Variants in LRRC1 observed in about 807,000 individuals in gnomAD.
LRRC1 encodes the protein leucine-rich repeat-containing protein 1.
LRRC1 carries 28 observed loss-of-function variants against 69.9 expected under a neutral mutation model. The observed-to-expected ratio is 0.40, with a 90% confidence interval of 0.30 to 0.55. LRRC1 has a LOEUF of 0.55. Ranked by LOEUF, LRRC1 falls within the 20% of genes least tolerant of loss-of-function variation. The probability of loss-of-function intolerance (pLI) is 0.47; values close to 1 mark genes in which losing one functional copy is unlikely to be tolerated. For missense variants in LRRC1, 498 were observed against 609.0 expected, an observed-to-expected ratio of 0.82 and a Z score of 1.92; for synonymous variants, 236 against 240.2, an observed-to-expected ratio of 0.98 and a Z score of 0.16.
intron 2 of LRRC1, among the ~76,000 whole-genome samples, chr6:53,857,672 G>A (rs1324688378): frequency 6.6e-6 from 1 of 152,198 alleles, no homozygotes; most frequent in African/African-American, 2.4e-5. Flanking sequence ...GTCAATAAAC[G>A]TGCACTGAAA....
rs1768800630 is a variant in LRRC1 at position 53,923,530 on chromosome 6, A to G, written c.*737A>G. The G allele has an allele frequency of 6.6e-6, 1 of 152,646 alleles. No homozygotes were observed. The highest frequency in any genetic ancestry group is 1.5e-5 in the Non-Finnish European group (1 of 68,028). 9.5% of individuals were successfully genotyped at this position (152,646 alleles called of 1,614,324 possible). Reference sequence around the variant, plus strand: ...ACCTGGTGGATTTGTTTTTAACCAAAAAGATGAATTATCAATGATTTGTAA... The same window carrying G: ...ACCTGGTGGATTTGTTTTTAACCAAGAAGATGAATTATCAATGATTTGTAA... On this transcript the variant is annotated 3_prime_UTR_variant, in exon 14 of 14. Transcript: ENST00000370888.
intron 7 of LRRC1, among the ~76,000 whole-genome samples, chr6:53,898,851 T>C (rs1767957641): frequency 6.6e-6 from 1 of 152,170 alleles, no homozygotes; most frequent in Non-Finnish European, 1.5e-5. Context: ...TAAATATAGA[T>C]GGAGGAATTT....
intron 1 of LRRC1, among the ~76,000 whole-genome samples, chr6:53,807,364 C>T (rs1280397239): frequency 6.6e-6 from 1 of 152,212 alleles, no homozygotes; most frequent in Non-Finnish European, 1.5e-5. Flanking sequence ...AAATAAATCT[C>T]TGTCTGTATG....
chr6:53,848,186 A>T (rs949631657), intron 2 of LRRC1, among the ~76,000 whole-genome samples: 1 of 152,242 alleles, frequency 6.6e-6, no homozygotes, highest in Non-Finnish European at 1.5e-5. Flanking sequence ...CTGGCTGGGC[A>T]GTGTTGAGCC....
At chr6:53,834,409 A>C (rs746866989) in intron 1 of LRRC1, among the ~76,000 whole-genome samples, 1 of 151,988 alleles carries the variant, frequency 6.6e-6, no homozygotes, top group Admixed American at 6.6e-5. Context: ...TTTAGTAGTT[A>C]TTTCTTTCCT....
intron 11 of LRRC1, among the ~76,000 whole-genome samples, chr6:53,915,278 A>G (rs896097009): frequency 1.3e-5 from 2 of 152,218 alleles, no homozygotes; most frequent in African/African-American, 4.8e-5. Context: ...TATAGACAGC[A>G]GGGCTAAATA....
intron 7 of LRRC1, among the ~76,000 whole-genome samples, chr6:53,899,035 G>C (rs1435203953): frequency 6.6e-6 from 1 of 152,118 alleles, no homozygotes; most frequent in African/African-American, 2.4e-5. Context: ...TGACAGTCAA[G>C]GTAAAGGAGT....
chr6:53,869,712 G>C (rs1426423486), intron 2 of LRRC1, among the ~76,000 whole-genome samples: 1 of 151,196 alleles, frequency 6.6e-6, no homozygotes, highest in Non-Finnish European at 1.5e-5. Flanking sequence ...AGAGACCTTA[G>C]AGTTTAGTAA....
rs149106123 is a variant in LRRC1 at position 53,886,127 on chromosome 6, A to C, written c.446+3151A>C. ...GAATGCATATTTTTATTTCATTCTT[A>C]AATATTCCCAATTATTTACAGTGAG... On this transcript the variant is annotated intron_variant, in intron 4 of 13. Coordinates refer to ENST00000370888, the MANE Select transcript of LRRC1 (RefSeq NM_018214.5). Among the ~76,000 whole-genome samples, 683 of 152,356 alleles carry C rather than the reference A, an allele frequency of 4.5e-3. 3 individuals are homozygous for C. Among genetic ancestry groups the C allele is most frequent in the Non-Finnish European group, 7.8e-3 (533 of 68,032 alleles).
At chr6:53,827,659 G>A (rs866216154) in intron 1 of LRRC1, among the ~76,000 whole-genome samples, 1 of 152,166 alleles carries the variant, frequency 6.6e-6, no homozygotes, top group Non-Finnish European at 1.5e-5. Context: ...TGGGCCTGTG[G>A]GTGTGGGAAA....
At position 53,882,927 on chromosome 6, in the gene LRRC1, C is replaced by T. The variant is rs996576709; in HGVS notation, c.397C>T (p.Leu133Phe). 1 of 1,608,956 alleles carries T rather than the reference C, an allele frequency of 6.2e-7. No individual in the cohort carries two copies. Among genetic ancestry groups the T allele is most frequent in the Non-Finnish European group, 8.5e-7 (1 of 1,178,672 alleles). Reference sequence around the variant, plus strand: ...TCCTGAATTACAGAATTTAACATGTCTTTCTGTAAATGACATCTCACTACA... The same window carrying T: ...TCCTGAATTACAGAATTTAACATGTTTTTCTGTAAATGACATCTCACTACA... ...SFPELQNLTCLSVNDISLQSL... is the reference protein window; with the variant it reads ...SFPELQNLTCFSVNDISLQSL... The change falls in exon 4 of 14, where the codon CTT becomes TTT. Residue 133 changes from leucine (L) to phenylalanine (F), a missense_variant. This residue lies in a region of LRRC1 where 266 missense variants were observed against 383.9 expected (regional missense o/e 0.69). Transcript: ENST00000370888.
At chr6:53,821,178 G>T (rs2127408876) in intron 1 of LRRC1, among the ~76,000 whole-genome samples, 1 of 152,256 alleles carries the variant, frequency 6.6e-6, no homozygotes, top group Middle Eastern at 3.4e-3. Flanking sequence ...TTGCGCTAAT[G>T]CTGTACATCA....
intron 2 of LRRC1, among the ~76,000 whole-genome samples, chr6:53,863,056 A>G (rs1046998003): frequency 3.3e-5 from 5 of 152,220 alleles, no homozygotes; most frequent in Non-Finnish European, 7.3e-5. Flanking sequence ...AATATGATGT[A>G]CTGAATGTAC....
chr6:53,844,738 C>T (rs1012586916), intron 2 of LRRC1, among the ~76,000 whole-genome samples: 4 of 152,190 alleles, frequency 2.6e-5, no homozygotes, highest in South Asian at 4.1e-4. Flanking sequence ...TCCTGCAGAA[C>T]GTTCACCTTC....
chr6:53,902,725 T>A lies in LRRC1; in HGVS notation c.884T>A (p.Val295Asp). 6.2e-7 allele frequency: 1 copy of A among 1,612,264 alleles called. No homozygotes were observed. Among genetic ancestry groups the A allele is most frequent in the Non-Finnish European group, 8.5e-7 (1 of 1,178,832 alleles). ...GAATGTGAAAGTCTCACTGAGTTAG[T>A]TCTTACAGAAAATCAGCTCCTGGTA... ...VGECESLTEL[V>D]LTENQLLTLP... The change falls in exon 9 of 14, where the codon GTT becomes GAT. Residue 295 changes from valine (V) to aspartate (D), a missense_variant. Transcript: ENST00000370888.
At chr6:53,897,203 G>T in intron 6 of LRRC1, 82 bp from the exon 7 acceptor site, 1 of 918,370 alleles carries the variant, frequency 1.1e-6, no homozygotes, top group Non-Finnish European at 1.7e-6. Context: ...GTTGTTAACA[G>T]ATGAATTCAG....
In LRRC1 at chr6:53,919,489, A is replaced by AAG; in HGVS notation, c.1107-8_1107-7insGA. On this transcript the variant is annotated splice_polypyrimidine_tract_variant and intron_variant, in intron 11 of 13. Coordinates refer to ENST00000370888, the MANE Select transcript of LRRC1 (RefSeq NM_018214.5). Reference sequence around the variant, plus strand: ...ATGTCTCTTTTTTTAAAAAAAAAAAAAAAAACAGGTTGCTGCATCTACCTT... The same window carrying AAG: ...ATGTCTCTTTTTTTAAAAAAAAAAAAAGAAAAACAGGTTGCTGCATCTACCTT... 5.3e-6 allele frequency: 8 copies of AAG among 1,509,806 alleles called. No individual in the cohort carries two copies. Among genetic ancestry groups the AAG allele is most frequent in the Non-Finnish European group, 7.0e-6 (8 of 1,135,522 alleles). The allele number at this position is 1,509,806 out of a possible 1,614,324, so 93.5% of individuals were successfully genotyped here.
At chr6:53,916,265 A>G (rs1768562930) in intron 11 of LRRC1, among the ~76,000 whole-genome samples, 1 of 152,240 alleles carries the variant, frequency 6.6e-6, no homozygotes, top group Non-Finnish European at 1.5e-5. Context: ...ACTGAATATT[A>G]GAATCAATGG....
chr6:53,860,957 C>T (rs1447967015), intron 2 of LRRC1, among the ~76,000 whole-genome samples: 2 of 152,066 alleles, frequency 1.3e-5, no homozygotes, highest in East Asian at 1.9e-4. Flanking sequence ...TGCAGGTTCT[C>T]ACTTATAAGT....
Sources: allele counts gnomAD v4.1 joint callset (sites outside exome capture counted in the v4.1 genomes callset), GRCh38; gene constraint gnomAD v4.1.1; regional missense constraint gnomAD v4.1.1; transcripts MANE v1.5; gene names NCBI Gene and HGNC (gene_info 2026-07-23, HGNC 2026-07-21).